The following SLC4A10 variants were observed in gnomAD, a reference collection of about 807,000 sequenced individuals.
SLC4A10 encodes solute carrier family 4 member 10.
Under a neutral mutation model 137.7 loss-of-function variants are expected in SLC4A10, and 42 were observed. The observed-to-expected ratio is 0.30, with a 90% CI of 0.24 to 0.39. The LOEUF (loss-of-function observed/expected upper bound fraction) is 0.39. Ranked by LOEUF, SLC4A10 falls within the 10% of genes least tolerant of loss-of-function variation. The pLI is 1.00. For synonymous variants in SLC4A10, 474 were observed against 464.1 expected (o/e 1.02, Z -0.27); for missense variants, 925 against 1,355.0 (o/e 0.68, Z 4.98).
At chr2:161,652,425 A>G (rs1008292564) in intron 1 of SLC4A10, among the ~76,000 whole-genome samples, 3 of 152,208 alleles carry the variant, frequency 2.0e-5, no homozygotes, top group Admixed American at 1.3e-4. Context: ...GAGAAAAGAT[A>G]TACACACACA....
chr2:161,966,567 G>A (rs1697617659), intron 23 of SLC4A10, among the ~76,000 whole-genome samples: 1 of 151,786 alleles, frequency 6.6e-6, no homozygotes, highest in Non-Finnish European at 1.5e-5. Flanking sequence ...TGGCTAACAT[G>A]GTGAAACCCC....
intron 3 of SLC4A10, among the ~76,000 whole-genome samples, chr2:161,817,346 AT>A (rs2057186753): frequency 6.6e-6 from 1 of 152,032 alleles, no homozygotes; most frequent in African/African-American, 2.4e-5. Context: ...TTTCTTGTAA[AT>A]TTGTTTAAGT....
At chr2:161,878,197 A>G (rs947899664) in intron 8 of SLC4A10, among the ~76,000 whole-genome samples, 1 of 152,094 alleles carries the variant, frequency 6.6e-6, no homozygotes, top group Admixed American at 6.6e-5. Flanking sequence ...TTTGGCCCTC[A>G]TTTCATTAAC....
chr2:161,625,826 A>G (rs182375994), intron 1 of SLC4A10, among the ~76,000 whole-genome samples: 151 of 152,148 alleles, frequency 9.9e-4, no homozygotes, highest in African/African-American at 3.2e-3. Flanking sequence ...GAAGAATGCA[A>G]GGAGTTACCA....
At chr2:161,667,875 A>G (rs2039252429) in intron 1 of SLC4A10, among the ~76,000 whole-genome samples, 1 of 151,828 alleles carries the variant, frequency 6.6e-6, no homozygotes, top group Non-Finnish European at 1.5e-5. Context: ...AATATGTTGT[A>G]TAAGGTAGCT....
At chr2:161,829,646 T>A (rs544236278) in intron 3 of SLC4A10, among the ~76,000 whole-genome samples, 5 of 152,334 alleles carry the variant, frequency 3.3e-5, no homozygotes, top group Admixed American at 3.3e-4. Context: ...GAATGTTTTC[T>A]CATGTTCTGT....
intron 2 of SLC4A10, among the ~76,000 whole-genome samples, chr2:161,801,288 T>A (rs1431223055): frequency 1.3e-5 from 2 of 152,050 alleles, no homozygotes; most frequent in African/African-American, 4.8e-5. Context: ...TTTTTAATCT[T>A]GCTCTTTTTA....
chr2:161,952,582 T>C (rs1456347330), intron 19 of SLC4A10, among the ~76,000 whole-genome samples: 1 of 152,230 alleles, frequency 6.6e-6, no homozygotes. Flanking sequence ...CTTACTACTC[T>C]GGATTTAGTA....
At chr2:161,634,326 T>C (rs1574001676) in intron 1 of SLC4A10, among the ~76,000 whole-genome samples, 2 of 151,936 alleles carry the variant, frequency 1.3e-5, no homozygotes, top group African/African-American at 2.4e-5. Flanking sequence ...TATCAGGATA[T>C]ACATATCTTA....
chr2:161,678,676 T>C (rs1309553428), intron 1 of SLC4A10, among the ~76,000 whole-genome samples: 4 of 152,130 alleles, frequency 2.6e-5, no homozygotes, highest in African/African-American at 9.7e-5. Context: ...TACCATAGAT[T>C]AGTTTTACCT....
At chr2:161,676,028 C>T (rs1395695855) in intron 1 of SLC4A10, among the ~76,000 whole-genome samples, 1 of 152,132 alleles carries the variant, frequency 6.6e-6, no homozygotes, top group Non-Finnish European at 1.5e-5. Flanking sequence ...TGCTAAATTG[C>T]TACACTAGAA....
intron 1 of SLC4A10, among the ~76,000 whole-genome samples, chr2:161,733,565 C>T (rs767893673): frequency 9.9e-5 from 15 of 152,178 alleles, no homozygotes; most frequent in East Asian, 1.9e-4. Flanking sequence ...GCAGTGCAGA[C>T]GGGAAATGTG....
intron 1 of SLC4A10, among the ~76,000 whole-genome samples, chr2:161,720,307 A>G (rs1394338866): frequency 6.6e-6 from 1 of 152,096 alleles, no homozygotes; most frequent in South Asian, 2.1e-4. Context: ...GCCTTGTAGT[A>G]TAGTTTGAAG....
chr2:161,669,027 T>C (rs1458840881), intron 1 of SLC4A10, among the ~76,000 whole-genome samples: 1 of 151,898 alleles, frequency 6.6e-6, no homozygotes, highest in Non-Finnish European at 1.5e-5. Flanking sequence ...AATGAATTAT[T>C]TTATATCTGC....
At chr2:161,801,342 G>A (rs553585455) in intron 2 of SLC4A10, among the ~76,000 whole-genome samples, 5 of 150,848 alleles carry the variant, frequency 3.3e-5, no homozygotes, top group Non-Finnish European at 7.4e-5. Context: ...TAATCTTTTT[G>A]CCCAACTTCT....
chr2:161,951,448 A>T (rs912602463), intron 19 of SLC4A10, among the ~76,000 whole-genome samples: 1 of 152,192 alleles, frequency 6.6e-6, no homozygotes, highest in African/African-American at 2.4e-5. Flanking sequence ...ATTGTGAATA[A>T]TCGAAATTGT....
At chr2:161,795,446 G>A (rs1438240138) in intron 2 of SLC4A10, among the ~76,000 whole-genome samples, 6 of 152,042 alleles carry the variant, frequency 3.9e-5, no homozygotes, top group African/African-American at 1.2e-4. Context: ...ACAACTCAAT[G>A]AGTTTGGAAT....
chr2:161,916,710 G>T (rs971817673), intron 15 of SLC4A10, among the ~76,000 whole-genome samples: 2 of 152,096 alleles, frequency 1.3e-5, no homozygotes, highest in Non-Finnish European at 2.9e-5. Context: ...CATTTGGCAT[G>T]TTTCTGCCTC....
In SLC4A10 at chr2:161,984,438, G is replaced by C. The variant is rs1700591285; in HGVS notation, c.*1286G>C. On this transcript the variant is annotated 3_prime_UTR_variant, in exon 27 of 27. Transcript: ENST00000446997. ...TAAAACTAAATCTCATAATGCTCTTGGTTCCTAAGAATGAGTAGTAATCAT... is the reference window on the plus strand; with the variant it reads ...TAAAACTAAATCTCATAATGCTCTTCGTTCCTAAGAATGAGTAGTAATCAT... 2 of 152,106 alleles carry C rather than the reference G, an allele frequency of 1.3e-5. No homozygotes were observed. Among genetic ancestry groups the C allele is most frequent in the South Asian group, 4.2e-4 (2 of 4,818 alleles). The allele number at this position is 152,106 out of a possible 1,614,324, so 9.4% of individuals were successfully genotyped here.
Sources: allele counts gnomAD v4.1 joint callset (sites outside exome capture counted in the v4.1 genomes callset), GRCh38; gene constraint gnomAD v4.1.1; transcripts MANE v1.5; gene names NCBI Gene and HGNC (gene_info 2026-07-23, HGNC 2026-07-21).